Variants in LRFN2 observed in about 807,000 individuals in gnomAD.
The protein encoded by LRFN2 is leucine rich repeat and fibronectin type III domain containing 2.
In LRFN2, 18 loss-of-function variants were observed where a neutral mutation model predicts 37.3. That is an observed-to-expected ratio of 0.48 (90% confidence interval 0.33 to 0.72). The LOEUF (loss-of-function observed/expected upper bound fraction) is 0.72. Among genes scored for constraint, LRFN2 ranks in the 30% least tolerant of loss-of-function variants. The pLI, the probability that LRFN2 is intolerant of heterozygous loss-of-function variation, is 0.02. For synonymous variants in LRFN2, 556 were observed against 466.6 expected (o/e 1.19, Z -2.47); for missense variants, 1,006 against 1,060.7 (o/e 0.95, Z 0.72).
intron 2 of LRFN2, among the ~76,000 whole-genome samples, chr6:40,417,669 A>G (rs1261789148): frequency 1.3e-5 from 2 of 152,138 alleles, no homozygotes; most frequent in East Asian, 3.9e-4. Context: ...ACTCACGGCT[A>G]TGAGTTGGGC....
intron 1 of LRFN2, among the ~76,000 whole-genome samples, chr6:40,567,773 AC>A (rs1336218668): frequency 6.6e-6 from 1 of 152,154 alleles, no homozygotes; most frequent in Non-Finnish European, 1.5e-5. Flanking sequence ...ACAGCAGCCT[AC>A]CTTGAGGAGT....
intron 1 of LRFN2, among the ~76,000 whole-genome samples, chr6:40,460,715 G>A (rs1464030320): frequency 6.6e-6 from 1 of 152,124 alleles, no homozygotes; most frequent in Non-Finnish European, 1.5e-5. Flanking sequence ...TAGGTGAGCT[G>A]GCCCAGAAAG....
At chr6:40,515,892 CAAAAAAAA>C (rs71543993) in intron 1 of LRFN2, among the ~76,000 whole-genome samples, 7 of 91,762 alleles carry the variant, frequency 7.6e-5, no homozygotes, top group South Asian at 6.9e-4. Flanking sequence ...GACTCCATAT[CAAAAAAAA>C]AAAAAAAAAA....
At chr6:40,466,588 G>A (rs1350384397) in intron 1 of LRFN2, among the ~76,000 whole-genome samples, 1 of 152,086 alleles carries the variant, frequency 6.6e-6, no homozygotes, top group Non-Finnish European at 1.5e-5. Flanking sequence ...TCCCGCCAGA[G>A]GACAAAGATA....
chr6:40,519,677 G>A (rs572456665), intron 1 of LRFN2, among the ~76,000 whole-genome samples: 1 of 152,334 alleles, frequency 6.6e-6, no homozygotes, highest in Admixed American at 6.5e-5. Context: ...GCTGCTTTCA[G>A]CCATTGAGTT....
intron 1 of LRFN2, among the ~76,000 whole-genome samples, chr6:40,506,682 A>T (rs1765551362): frequency 6.6e-6 from 1 of 152,168 alleles, no homozygotes; most frequent in Non-Finnish European, 1.5e-5. Flanking sequence ...TCACTGTCCC[A>T]GACCTATTGG....
intron 1 of LRFN2, among the ~76,000 whole-genome samples, chr6:40,476,964 T>A (rs1456347303): frequency 1.3e-5 from 2 of 152,256 alleles, no homozygotes; most frequent in African/African-American, 4.8e-5. Context: ...CTTAGGCATC[T>A]AGTTCCCCAG....
intron 1 of LRFN2, among the ~76,000 whole-genome samples, chr6:40,476,380 A>ACC (rs1764709933): frequency 6.6e-6 from 1 of 152,200 alleles, no homozygotes; most frequent in Non-Finnish European, 1.5e-5. Context: ...ACCGTCTTGA[A>ACC]TTCCCTTTGA....
At chr6:40,534,027 T>C (rs1766402657) in intron 1 of LRFN2, among the ~76,000 whole-genome samples, 1 of 152,226 alleles carries the variant, frequency 6.6e-6, no homozygotes, top group Non-Finnish European at 1.5e-5. Flanking sequence ...ACAACTTCCC[T>C]TCCACTTTCT....
chr6:40,467,069 G>A lies in LRFN2; in HGVS notation c.-18-33938C>T, dbSNP rs1484400930. On this transcript the variant is annotated intron_variant, in intron 1 of 2. Coordinates refer to ENST00000338305, the MANE Select transcript of LRFN2 (RefSeq NM_020737.3). The stretch of plus-strand genomic sequence containing the variant: ...GATCTGGGCTCATAACCTCTAGAAT[G>A]GTGAGAAAATAAATTTGTATTGTTT... 4.6e-5 allele frequency among the ~76,000 whole-genome samples: 7 copies of A among 151,900 alleles called. No individual in the cohort carries two copies. In the East Asian group the frequency reaches 7.7e-4, roughly 17 times the overall value.
intron 1 of LRFN2, among the ~76,000 whole-genome samples, chr6:40,493,106 T>C (rs1765131840): frequency 6.6e-6 from 1 of 151,950 alleles, no homozygotes; most frequent in Admixed American, 6.5e-5. Flanking sequence ...TGGTGACATC[T>C]CAGAAAGGAC....
chr6:40,451,667 A>G (rs1335516135), intron 1 of LRFN2, among the ~76,000 whole-genome samples: 1 of 151,942 alleles, frequency 6.6e-6, no homozygotes, highest in African/African-American at 2.4e-5. Flanking sequence ...GTCTCCTGAC[A>G]ATTACGAGAA....
At chr6:40,507,200 C>T (rs1374628233) in intron 1 of LRFN2, among the ~76,000 whole-genome samples, 3 of 152,180 alleles carry the variant, frequency 2.0e-5, no homozygotes, top group Non-Finnish European at 4.4e-5. Flanking sequence ...TCATCTGGCA[C>T]ATGGTGGGTT....
At chr6:40,474,104 G>A (rs1435740827) in intron 1 of LRFN2, among the ~76,000 whole-genome samples, 1 of 152,120 alleles carries the variant, frequency 6.6e-6, no homozygotes, top group Non-Finnish European at 1.5e-5. Context: ...GTATAGTGGG[G>A]GAAACCTGGG....
rs1174812564 is a variant in LRFN2 at position 40,391,962 on chromosome 6, A to G, written c.2351T>C (p.Val784Ala). 1.3e-6 allele frequency: 2 copies of G among 1,582,790 alleles called. No individual in the cohort carries two copies. The highest frequency in any genetic ancestry group is 8.6e-7 in the Non-Finnish European group (1 of 1,163,428). ...ARGTFGSSEW[V>A]MESTV ...CCCCACCTAGACCGTGCTCTCCATC[A>G]CCCATTCGGAGCTGCCAAAAGTCCC... Residue 784 changes from valine (V) to alanine (A), a missense_variant, in exon 3 of 3, where the codon GTG becomes GCG. This residue lies in a region of LRFN2 where 398 missense variants were observed against 327.6 expected (regional missense o/e 1.21). Transcript: ENST00000338305.
intron 1 of LRFN2, among the ~76,000 whole-genome samples, chr6:40,433,612 T>C (rs1763570770): frequency 6.6e-6 from 1 of 152,230 alleles, no homozygotes; most frequent in African/African-American, 2.4e-5. Context: ...TGGCTGTTTT[T>C]TGAGGCATAA....
chr6:40,501,232 C>A (rs1765373931), intron 1 of LRFN2, among the ~76,000 whole-genome samples: 1 of 151,522 alleles, frequency 6.6e-6, no homozygotes, highest in African/African-American at 2.4e-5. Context: ...GAAAAAAGCA[C>A]AAAATGTTAT....
At chr6:40,473,896 A>G (rs1299884958) in intron 1 of LRFN2, among the ~76,000 whole-genome samples, 1 of 152,148 alleles carries the variant, frequency 6.6e-6, no homozygotes, top group Admixed American at 6.5e-5. Context: ...GGGATACATA[A>G]CTAAAAACTG....
chr6:40,557,104 G>A (rs73418956), intron 1 of LRFN2, among the ~76,000 whole-genome samples: 2,599 of 152,152 alleles, frequency 0.017, 72 homozygotes, highest in African/African-American at 0.059. Flanking sequence ...CAAAGACTTC[G>A]TTTTGTGCAG....
Sources: gnomAD v4.1 joint callset for allele counts (sites outside exome capture counted in the v4.1 genomes callset) on GRCh38, gnomAD v4.1.1 for gene constraint, gnomAD v4.1.1 regional missense constraint, MANE v1.5 for transcripts, NCBI Gene and HGNC (gene_info 2026-07-23, HGNC 2026-07-21) for gene names.